CDKN1B: variants seen among roughly 807,000 people sequenced by gnomAD.
The protein encoded by CDKN1B is cyclin dependent kinase inhibitor 1B, also known as cyclin-dependent kinase inhibitor 1B.
In CDKN1B, 7 loss-of-function variants were observed where a neutral mutation model predicts 17.1. The observed-to-expected ratio is 0.41, with a 90% CI of 0.23 to 0.77. The LOEUF (loss-of-function observed/expected upper bound fraction) is 0.77. Ranked by LOEUF, CDKN1B falls within the 30% of genes least tolerant of loss-of-function variation. CDKN1B has a pLI of 0.33. For synonymous variants in CDKN1B, 149 were observed against 104.3 expected (o/e 1.43, Z -2.61); for missense variants, 337 against 262.0 (o/e 1.29, Z -1.98).
rs1218732639 is a variant in CDKN1B, at chr12:12,718,252, C to G, written c.413C>G (p.Ser138Trp). The change falls in exon 1 of 3, where the codon TCG becomes TGG. Residue 138 changes from serine to tryptophan, a missense_variant. Physicochemically the swap from Ser to Trp is radical, Grantham distance 177. Coordinates refer to ENST00000228872, the MANE Select transcript of CDKN1B (RefSeq NM_004064.5). The stretch of plus-strand genomic sequence containing the variant: ...TTGGTGGACCCAAAGACTGATCCGT[C>G]GGACAGCCAGACGGGGTTAGCGGAG... ...THLVDPKTDP[S>W]DSQTGLAEQC... The G allele has an allele frequency of 3.1e-6, 5 of 1,610,494 alleles. No individual in the cohort carries two copies. Among genetic ancestry groups the G allele is most frequent in the Non-Finnish European group, 4.2e-6 (5 of 1,179,836 alleles).
At position 12,718,034 on chromosome 12, in the gene CDKN1B, G is replaced by A. The variant is rs747864095; in HGVS notation, c.195G>A (p.Gln65=). 4 of 1,614,238 alleles carry A rather than the reference G, an allele frequency of 2.5e-6. No homozygotes were observed. The highest frequency in any genetic ancestry group is 3.4e-6 in the Non-Finnish European group (4 of 1,180,036). ...AGCGCAAGTGGAATTTCGATTTTCA[G>A]AATCACAAACCCCTAGAGGGCAAGT... ...ASQRKWNFDF[Q]NHKPLEGKYE... Residue 65 remains glutamine, a synonymous_variant, in exon 1 of 3, where the codon CAG becomes CAA. Coordinates refer to ENST00000228872, the MANE Select transcript of CDKN1B (RefSeq NM_004064.5).
At position 12,717,896 on chromosome 12, in the gene CDKN1B, G is replaced by A. The variant is rs1946487176; in HGVS notation, c.57G>A (p.Arg19=). The change falls in exon 1 of 3, where the codon AGG becomes AGA. Residue 19 remains arginine, a synonymous_variant. Transcript: ENST00000228872. The part of the protein sequence containing the change: ...GSPSLERMDA[R]QAEHPKPSAC... Reference sequence around the variant, plus strand: ...CTAGCCTGGAGCGGATGGACGCCAGGCAGGCGGAGCACCCCAAGCCCTCGG... The same window carrying A: ...CTAGCCTGGAGCGGATGGACGCCAGACAGGCGGAGCACCCCAAGCCCTCGG... The A allele has an allele frequency of 6.2e-7, 1 of 1,614,084 alleles. No homozygotes were observed. The highest frequency in any genetic ancestry group is 8.5e-7 in the Non-Finnish European group (1 of 1,180,036).
Position 12,717,679 on chromosome 12 carries a change from C to T in CDKN1B, c.-161C>T. On this transcript the variant is annotated 5_prime_UTR_variant, in exon 1 of 3. Transcript: ENST00000228872. ...GCTTCCCCGCAGCCCCTGCGCGCTC[C>T]TAGAGCTCGGGCCGTGGCTCGTCGG... 2 of 1,523,682 alleles carry T rather than the reference C, an allele frequency of 1.3e-6. No homozygotes were observed. Among genetic ancestry groups the T allele is most frequent in the South Asian group, 1.2e-5 (1 of 82,634 alleles). 94.4% of individuals were successfully genotyped at this position (1,523,682 alleles called of 1,614,324 possible).
Position 12,718,053 on chromosome 12 carries a change from G to A in CDKN1B, c.214G>A (p.Gly72Ser), listed in dbSNP as rs1231596455. ...FDFQNHKPLE[G>S]KYEWQEVEKG... ...TTTTCAGAATCACAAACCCCTAGAG[G>A]GCAAGTACGAGTGGCAAGAGGTGGA... The change falls in exon 1 of 3, where the codon GGC becomes AGC. Residue 72 changes from glycine (G) to serine (S), a missense_variant. Physicochemically the swap from Gly to Ser is moderately conservative, Grantham distance 56 (BLOSUM62 0). Transcript: ENST00000228872. 8 of 1,614,128 alleles carry A rather than the reference G, an allele frequency of 5.0e-6. No individual in the cohort carries two copies. Among genetic ancestry groups the A allele is most frequent in the African/African-American group, 2.7e-5 (2 of 74,942 alleles).
At position 12,717,874 on chromosome 12, in the gene CDKN1B, G is replaced by T. The variant is rs775772074; in HGVS notation, c.35G>T (p.Ser12Ile). The T allele has an allele frequency of 1.7e-5, 27 of 1,613,774 alleles. No individual in the cohort carries two copies. Among genetic ancestry groups the T allele is most frequent in the Admixed American group, 5.0e-5 (3 of 60,014 alleles). Residue 12 changes from serine to isoleucine, a missense_variant, in exon 1 of 3, where the codon AGC becomes ATC. Transcript: ENST00000228872. ...GTGCGAGTGTCTAACGGGAGCCCTA[G>T]CCTGGAGCGGATGGACGCCAGGCAG... The part of the protein sequence containing the change: ...SNVRVSNGSP[S>I]LERMDARQAE...
At chr12:12,718,758 T>G in intron 1 of CDKN1B, 67 bp from the exon 2 acceptor site, 1 of 1,598,740 alleles carries the variant, frequency 6.3e-7, no homozygotes, top group Non-Finnish European at 8.6e-7. Context: ...TGGGGCCAAC[T>G]TCTGCCAGCC....
chr12:12,719,609 CTG>C (rs1278248904), intron 2 of CDKN1B: 3 of 152,618 alleles, frequency 2.0e-5, no homozygotes, highest in Non-Finnish European at 4.4e-5. Flanking sequence ...TCTGGTAACA[CTG>C]AAGTTGCAAA....
Position 12,721,115 on chromosome 12 carries a change from A to G in CDKN1B, c.*88A>G, listed in dbSNP as rs886049082. ...GAAGATATACATGAAAATTTTAAAA[A>G]TACATATCGCTGACTTCATGGAATG... On this transcript the variant is annotated 3_prime_UTR_variant, in exon 3 of 3. Coordinates refer to ENST00000228872, the MANE Select transcript of CDKN1B (RefSeq NM_004064.5). 1.3e-6 allele frequency: 1 copy of G among 773,950 alleles called. No homozygotes were observed. The highest frequency in any genetic ancestry group is 1.7e-5 in the African/African-American group (1 of 59,038). The allele number at this position is 773,950 out of a possible 1,614,324, so 47.9% of individuals were successfully genotyped here.
chr12:12,720,814 T>C lies in CDKN1B; in HGVS notation c.*9-222T>C, dbSNP rs34327. Among the ~76,000 whole-genome samples, 76,106 of 151,960 alleles carry C rather than the reference T, an allele frequency of 0.5. 19,395 individuals are homozygous for C. Among genetic ancestry groups the C allele is most frequent in the South Asian group, 0.54 (2,616 of 4,820 alleles). On this transcript the variant is annotated intron_variant, in intron 2 of 2. Coordinates refer to ENST00000228872, the MANE Select transcript of CDKN1B (RefSeq NM_004064.5). ...CCTGTGGGGCGGGGGCAACATTGCC[T>C]ACTGTTAAGAACTACTGCTCTAGAC... is the stretch of plus-strand genomic sequence containing the variant.
rs1348090532 is a variant in CDKN1B at position 12,717,846 on chromosome 12, A to G, written c.7A>G (p.Asn3Asp). 6.2e-7 allele frequency: 1 copy of G among 1,613,038 alleles called. No individual in the cohort carries two copies. The highest frequency in any genetic ancestry group is 1.1e-5 in the South Asian group (1 of 91,054). Residue 3 changes from asparagine to aspartate, a missense_variant, in exon 1 of 3, where the codon AAC becomes GAC. By Grantham distance (23) the Asn-to-Asp change is conservative (BLOSUM62 1). Transcript: ENST00000228872. ...GTGCAGACCCGGGAGAAAGATGTCA[A>G]ACGTGCGAGTGTCTAACGGGAGCCC... Reference protein sequence around the residue: MSNVRVSNGSPSL... With the variant: MSDVRVSNGSPSL...
At chr12:12,719,688 TGCC>T (rs1437803578) in intron 2 of CDKN1B, among the ~76,000 whole-genome samples, 1 of 152,232 alleles carries the variant, frequency 6.6e-6, no homozygotes, top group Non-Finnish European at 1.5e-5. Context: ...ATGCTAATTG[TGCC>T]GTAACAGGGT....
rs1438130691 is a variant in CDKN1B at position 12,722,172 on chromosome 12, T to C, written c.*1145T>C. ...AAAAGATTTTTTTTAATCTAGACAA[T>C]ATACAAGCCAAAGTGGCATGTTTTG... On this transcript the variant is annotated 3_prime_UTR_variant, in exon 3 of 3. Coordinates refer to ENST00000228872, the MANE Select transcript of CDKN1B (RefSeq NM_004064.5). 6.6e-6 allele frequency: 1 copy of C among 152,630 alleles called. No homozygotes were observed. Among genetic ancestry groups the C allele is most frequent in the Non-Finnish European group, 1.5e-5 (1 of 68,024 alleles). The allele number at this position is 152,630 out of a possible 1,614,324, so 9.5% of individuals were successfully genotyped here. A position where few individuals can be genotyped will look rare whatever the true frequency, so the allele number is the denominator to read the frequency against.
At position 12,717,589 on chromosome 12, in the gene CDKN1B, C is replaced by T. The variant is rs1026616091; in HGVS notation, c.-251C>T. 20 of 1,431,088 alleles carry T rather than the reference C, an allele frequency of 1.4e-5. No individual in the cohort carries two copies. Among genetic ancestry groups the T allele is most frequent in the Non-Finnish European group, 1.5e-5 (17 of 1,098,408 alleles). 88.6% of individuals were successfully genotyped at this position (1,431,088 alleles called of 1,614,324 possible). A position where few individuals can be genotyped will look rare whatever the true frequency, so the allele number is the denominator to read the frequency against. On this transcript the variant is annotated 5_prime_UTR_variant, in exon 1 of 3. Transcript: ENST00000228872. The stretch of plus-strand genomic sequence containing the variant: ...CCACCCTCTCCGCTTGCCTGGTCCC[C>T]TCTCCTCTCCGCCCTCCCGCTCGCC...
Position 12,721,022 on chromosome 12 carries a change from G to GTTTTC in CDKN1B, c.*9-9_*9-5dup. On this transcript the variant is annotated splice_polypyrimidine_tract_variant and intron_variant, in intron 2 of 2. Transcript: ENST00000228872. ...GCTCTTCCTTTAATTCTTCCGTTTT[G>GTTTTC]TTTTCTTTTGCAGAATTAAGAATAT... 1 of 671,318 alleles carries GTTTTC rather than the reference G, an allele frequency of 1.5e-6. No individual in the cohort carries two copies. Among genetic ancestry groups the GTTTTC allele is most frequent in the Non-Finnish European group, 2.7e-6 (1 of 365,548 alleles). The allele number at this position is 671,318 out of a possible 1,614,324, so 41.6% of individuals were successfully genotyped here.
chr12:12,718,150 A>G lies in CDKN1B; in HGVS notation c.311A>G (p.Gln104Arg), dbSNP rs1204233029. The change falls in exon 1 of 3, where the codon CAG becomes CGG. Residue 104 changes from glutamine to arginine, a missense_variant. By Grantham distance (43) the Gln-to-Arg change is conservative (BLOSUM62 1). Transcript: ENST00000228872. ...AAAGGTGCCTGCAAGGTGCCGGCGC[A>G]GGAGAGCCAGGATGTCAGCGGGAGC... ...PPKGACKVPAQESQDVSGSRP... is the reference protein window; with the variant it reads ...PPKGACKVPARESQDVSGSRP... 2 of 1,613,988 alleles carry G rather than the reference A, an allele frequency of 1.2e-6. No individual in the cohort carries two copies. Among genetic ancestry groups the G allele is most frequent in the South Asian group, 2.2e-5 (2 of 91,084 alleles).
At chr12:12,718,705 C>T (rs1946508228) in intron 1 of CDKN1B, 120 bp from the exon 2 acceptor site, 2 of 1,169,368 alleles carry the variant, frequency 1.7e-6, no homozygotes, top group African/African-American at 1.5e-5. Context: ...ATGACGGATC[C>T]AGGATTGTGG....
chr12:12,722,265 T>C lies in CDKN1B; in HGVS notation c.*1238T>C, dbSNP rs1946547162. The C allele has an allele frequency of 6.5e-6, 1 of 152,680 alleles. No individual in the cohort carries two copies. The highest frequency in any genetic ancestry group is 2.1e-4 in the South Asian group (1 of 4,832). 9.5% of individuals were successfully genotyped at this position (152,680 alleles called of 1,614,324 possible). A position where few individuals can be genotyped will look rare whatever the true frequency, so the allele number is the denominator to read the frequency against. On this transcript the variant is annotated 3_prime_UTR_variant, in exon 3 of 3. Coordinates refer to ENST00000228872, the MANE Select transcript of CDKN1B (RefSeq NM_004064.5). ...CTTTTGTTAAATAATATGGCTATGCTTAAAAGGTTGCATACTGAGCCAAGT... is the reference window on the plus strand; with the variant it reads ...CTTTTGTTAAATAATATGGCTATGCCTAAAAGGTTGCATACTGAGCCAAGT...
chr12:12,721,303 G>T lies in CDKN1B; in HGVS notation c.*276G>T. On this transcript the variant is annotated 3_prime_UTR_variant, in exon 3 of 3. Transcript: ENST00000228872. ...TGTGTATATAGTTTTTACCTTTTAT[G>T]TAGCACATAAACTTTGGGGAAGGGA... The T allele has an allele frequency of 1.7e-5, 4 of 234,610 alleles. No homozygotes were observed. Among genetic ancestry groups the T allele is most frequent in the Non-Finnish European group, 3.7e-5 (4 of 108,574 alleles). 14.5% of individuals were successfully genotyped at this position (234,610 alleles called of 1,614,324 possible).
At position 12,718,148 on chromosome 12, in the gene CDKN1B, G is replaced by C. The variant is rs761029896; in HGVS notation, c.309G>C (p.Ala103=). The C allele has an allele frequency of 1.9e-6, 3 of 1,614,026 alleles. No homozygotes were observed. The highest frequency in any genetic ancestry group is 1.1e-5 in the South Asian group (1 of 91,086). ...CCAAAGGTGCCTGCAAGGTGCCGGC[G>C]CAGGAGAGCCAGGATGTCAGCGGGA... is the stretch of plus-strand genomic sequence containing the variant. The part of the protein sequence containing the change: ...RPPKGACKVP[A]QESQDVSGSR... The change falls in exon 1 of 3, where the codon GCG becomes GCC. Residue 103 remains alanine (A), a synonymous_variant. Coordinates refer to ENST00000228872, the MANE Select transcript of CDKN1B (RefSeq NM_004064.5).
Sources: allele counts gnomAD v4.1 joint callset (sites outside exome capture counted in the v4.1 genomes callset), GRCh38; gene constraint gnomAD v4.1.1; transcripts MANE v1.5; gene names NCBI Gene and HGNC (gene_info 2026-07-23, HGNC 2026-07-21).